TNC: variants seen among roughly 807,000 people sequenced by gnomAD.
TNC encodes tenascin C.
In TNC, 109 loss-of-function variants were observed where a neutral mutation model predicts 202.4. That is an observed-to-expected ratio of 0.54 (90% CI 0.46 to 0.63). The LOEUF (loss-of-function observed/expected upper bound fraction) is 0.63, where lower values mean the gene tolerates loss of function less well. TNC is among the 30% of genes least tolerant of loss of function. The pLI, the probability that TNC is intolerant of heterozygous loss-of-function variation, is 0.00. For missense variants in TNC, 2,756 were observed against 2,833.3 expected, an observed-to-expected ratio of 0.97 and a Z score of 0.62; for synonymous variants, 1,007 against 1,089.7, an observed-to-expected ratio of 0.92 and a Z score of 1.50.
chr9:115,035,269 G>T lies in TNC; in HGVS notation c.5722C>A (p.Arg1908=), dbSNP rs749516851. ...CCGGTGACTGATGCCCGGGGGGGTCGCCAGGTAAGGAGGGCAGTTTCCGAC... is the reference window on the plus strand; with the variant it reads ...CCGGTGACTGATGCCCGGGGGGGTCTCCAGGTAAGGAGGGCAGTTTCCGAC... ...VQSETALLTW[R]PPRASVTGYL... The change falls in exon 22 of 28, where the codon CGA becomes AGA. Residue 1908 remains arginine (R), a synonymous_variant. Transcript: ENST00000350763. 1 of 1,613,014 alleles carries T rather than the reference G, an allele frequency of 6.2e-7. No homozygotes were observed. Among genetic ancestry groups the T allele is most frequent in the African/African-American group, 1.3e-5 (1 of 74,854 alleles).
rs1830228786 is a variant in TNC, at chr9:115,035,201, T to C, written c.5787+3A>G. Reference sequence around the variant, plus strand: ...TTGAGGAGTTGTTATATACTTAAAATACCTTGACTGTGCCATCCACTGATT... The same window carrying C: ...TTGAGGAGTTGTTATATACTTAAAACACCTTGACTGTGCCATCCACTGATT... On this transcript the variant is annotated splice_donor_region_variant and intron_variant, in intron 22 of 27. Coordinates refer to ENST00000350763, the MANE Select transcript of TNC (RefSeq NM_002160.4). 4.9e-5 allele frequency: 79 copies of C among 1,608,080 alleles called. No individual in the cohort carries two copies. The highest frequency in any genetic ancestry group is 6.7e-5 in the Non-Finnish European group (79 of 1,177,698).
At position 115,077,981 on chromosome 9, in the gene TNC, T is replaced by A. The variant is rs1402322567; in HGVS notation, c.2636A>T (p.Asp879Val). 6.2e-6 allele frequency: 10 copies of A among 1,614,236 alleles called. No homozygotes were observed. Among genetic ancestry groups the A allele is most frequent in the East Asian group, 2.2e-5 (1 of 44,894 alleles). ...CTCTTTGGCTGGGTTGCTTGACATG[T>A]CACCTCTGCGGGAGATGAGGGACAC... ...YEVSLISRRG[D>V]MSSNPAKETF... The change falls in exon 7 of 28, where the codon GAC becomes GTC. Residue 879 changes from aspartate (D) to valine (V), a missense_variant. Physicochemically the swap from Asp to Val is radical, Grantham distance 152 (BLOSUM62 -3). Coordinates refer to ENST00000350763, the MANE Select transcript of TNC (RefSeq NM_002160.4).
intron 1 of TNC, among the ~76,000 whole-genome samples, chr9:115,109,439 AT>A (rs1357489224): frequency 5.3e-5 from 8 of 152,234 alleles, no homozygotes; most frequent in Admixed American, 5.2e-4. Context: ...AACCCAGAGG[AT>A]TCTTATGCCA....
Position 115,059,814 on chromosome 9 carries a change from C to T in TNC, c.4222G>A (p.Glu1408Lys), listed in dbSNP as rs1384315806. ...SLRAVDIPGL[E>K]AATPYRVSIY... ...GAGACTCTATAAGGCGTGGCAGCCT[C>T]GAGGCCCGGGATGTCCACAGCCCTG... is the stretch of plus-strand genomic sequence containing the variant. Residue 1408 changes from glutamate (E) to lysine (K), a missense_variant, in exon 14 of 28, where the codon GAG becomes AAG. This residue lies in a region of TNC where 2,559 missense variants were observed against 2,546.0 expected (regional missense o/e 1.01). Transcript: ENST00000350763. 14 of 1,613,968 alleles carry T rather than the reference C, an allele frequency of 8.7e-6. No homozygotes were observed. In the East Asian group the frequency reaches 1.6e-4, roughly 18 times the overall value.
At chr9:115,068,972 G>A (rs1833155166) in intron 10 of TNC, among the ~76,000 whole-genome samples, 1 of 152,140 alleles carries the variant, frequency 6.6e-6, no homozygotes, top group South Asian at 2.1e-4. Context: ...GTTATAATTT[G>A]GGTTTTGGTT....
At chr9:115,070,749 T>C (rs1247639298) in intron 10 of TNC, among the ~76,000 whole-genome samples, 5 of 152,248 alleles carry the variant, frequency 3.3e-5, no homozygotes, top group African/African-American at 4.8e-5. Flanking sequence ...GGAAGGTTCT[T>C]GCTTCTGATG....
chr9:115,117,947 A>T (rs568869192), intron 1 of TNC, 35 bp downstream of exon 1: 1 of 152,282 alleles, frequency 6.6e-6, no homozygotes, highest in South Asian at 2.1e-4. Context: ...CTTACATCAT[A>T]AGGATCTCTA....
intron 12 of TNC, 42 bp downstream of exon 12, chr9:115,063,754 G>A: frequency 6.3e-7 from 1 of 1,582,290 alleles, no homozygotes. Context: ...CCCGAGCAGA[G>A]ACAAAGGGGA....
intron 21 of TNC, 121 bp from the exon 22 acceptor site, chr9:115,035,455 G>C (rs1830254272): frequency 9.7e-7 from 1 of 1,030,510 alleles, no homozygotes; most frequent in Non-Finnish European, 1.4e-6. Flanking sequence ...CGTGACCTTT[G>C]GCAAGAACTT....
intron 1 of TNC, among the ~76,000 whole-genome samples, chr9:115,112,161 T>C (rs1415269610): frequency 6.6e-6 from 1 of 152,172 alleles, no homozygotes; most frequent in East Asian, 1.9e-4. Flanking sequence ...ATGTCTTAAT[T>C]CTGAAACTTT....
chr9:115,059,361 C>T (rs576237461), intron 14 of TNC, among the ~76,000 whole-genome samples: 2 of 152,202 alleles, frequency 1.3e-5, no homozygotes, highest in South Asian at 4.2e-4. Context: ...TGTGTTCCAC[C>T]AGAACTCATA....
At chr9:115,066,473 T>A (rs1832961082) in intron 10 of TNC, among the ~76,000 whole-genome samples, 1 of 152,234 alleles carries the variant, frequency 6.6e-6, no homozygotes. Context: ...GCTTGGAATT[T>A]GATTGAGGAT....
intron 1 of TNC, among the ~76,000 whole-genome samples, chr9:115,092,036 T>G (rs1835273910): frequency 6.6e-6 from 1 of 152,224 alleles, no homozygotes; most frequent in Non-Finnish European, 1.5e-5. Flanking sequence ...AGACCAAGTG[T>G]ATACATACCA....
rs1164029947 is a variant in TNC, at chr9:115,035,560, C to T, written c.5657-226G>A. Reference sequence around the variant, plus strand: ...TAAGGGCTGGATGTTTCTAACTGGCCTTGGTTGGATTTAGAGAGAAGTATA... The same window carrying T: ...TAAGGGCTGGATGTTTCTAACTGGCTTTGGTTGGATTTAGAGAGAAGTATA... On this transcript the variant is annotated intron_variant, in intron 21 of 27. Transcript: ENST00000350763. The T allele has an allele frequency of 2.3e-5, 11 of 480,140 alleles. No individual in the cohort carries two copies. The Admixed American group carries it at 4.3e-4, about 19-fold the overall frequency. 29.7% of individuals were successfully genotyped at this position (480,140 alleles called of 1,614,324 possible).
At chr9:115,052,986 A>C (rs920765010) in intron 15 of TNC, 7 of 701,798 alleles carry the variant, frequency 1.0e-5, no homozygotes, top group East Asian at 5.4e-5. Flanking sequence ...ATATTGCTAA[A>C]GATTAGCGTG....
Position 115,041,067 on chromosome 9 carries a change from T to C in TNC, c.5266A>G (p.Thr1756Ala). The change falls in exon 19 of 28, where the codon ACT becomes GCT. Residue 1756 changes from threonine (T) to alanine (A), a missense_variant. Thr to Ala is a moderately conservative substitution (Grantham distance 58). Around this residue, in one of 2 missense-constraint regions of TNC, gnomAD observed 2,559 missense variants for 2,546.0 expected, o/e 1.01. Transcript: ENST00000350763. ...GTCTGAGTCTTGGTTCCGTCCACAG[T>C]TACCATGGAGGGTGTACCTGGAACA... ...PITGGTPSMV[T>A]VDGTKTQTRL... The C allele has an allele frequency of 6.2e-7, 1 of 1,613,742 alleles. No homozygotes were observed. Among genetic ancestry groups the C allele is most frequent in the Non-Finnish European group, 8.5e-7 (1 of 1,179,800 alleles).
Position 115,020,690 on chromosome 9 carries a change from A to T in TNC, c.*467T>A, listed in dbSNP as rs772567234. 1 of 337,992 alleles carries T rather than the reference A, an allele frequency of 3.0e-6. No homozygotes were observed. The allele number at this position is 337,992 out of a possible 1,614,324, so 20.9% of individuals were successfully genotyped here. A position where few individuals can be genotyped will look rare whatever the true frequency, so the allele number is the denominator to read the frequency against. ...TTAATCATATCCTTAAAATGGAAACAGTATTGCTTTTCTGGTTTCTGTTGT... is the reference window on the plus strand; with the variant it reads ...TTAATCATATCCTTAAAATGGAAACTGTATTGCTTTTCTGGTTTCTGTTGT... On this transcript the variant is annotated 3_prime_UTR_variant, in exon 28 of 28. Coordinates refer to ENST00000350763, the MANE Select transcript of TNC (RefSeq NM_002160.4).
In TNC at chr9:115,085,970, C is replaced by T. The variant is rs765140214; in HGVS notation, c.1761G>A (p.Leu587=). 3 of 1,613,866 alleles carry T rather than the reference C, an allele frequency of 1.9e-6. No individual in the cohort carries two copies. Among genetic ancestry groups the T allele is most frequent in the African/African-American group, 2.7e-5 (2 of 74,926 alleles). ...QCICHEGFTG[L]DCGQHSCPSD... ...TGGGGCAGGAGTGCTGGCCACAGTC[C>T]AGGCCTGTGAAGCCCTCGTGGCAGA... Residue 587 remains leucine, a synonymous_variant, in exon 3 of 28, where the codon CTG becomes CTA. Coordinates refer to ENST00000350763, the MANE Select transcript of TNC (RefSeq NM_002160.4).
rs1835165322 is a variant in TNC at position 115,090,814 on chromosome 9, C to G, written c.205G>C (p.Glu69Gln). 1 of 1,614,232 alleles carries G rather than the reference C, an allele frequency of 6.2e-7. No homozygotes were observed. The highest frequency in any genetic ancestry group is 8.5e-7 in the Non-Finnish European group (1 of 1,180,024). Residue 69 changes from glutamate to glutamine, a missense_variant, in exon 2 of 28, where the codon GAG becomes CAG. Coordinates refer to ENST00000350763, the MANE Select transcript of TNC (RefSeq NM_002160.4). ...AGGTCTTTCTCCCCACTGGCTGACT[C>G]CAGATCCACCGAACACTGGGATCCC... ...PVGSQCSVDL[E>Q]SASGEKDLAP...
Sources: gnomAD v4.1 joint callset for allele counts (sites outside exome capture counted in the v4.1 genomes callset) on GRCh38, gnomAD v4.1.1 for gene constraint, gnomAD v4.1.1 regional missense constraint, MANE v1.5 for transcripts, NCBI Gene and HGNC (gene_info 2026-07-23, HGNC 2026-07-21) for gene names.